The following GALNTL6 variants were observed in gnomAD, a reference collection of about 807,000 sequenced individuals.
GALNTL6 encodes polypeptide N-acetylgalactosaminyltransferase like 6.
A neutral mutation model predicts 73.7 loss-of-function variants in GALNTL6; 46 were observed. The ratio of observed to expected loss-of-function variants is 0.62; its 90% CI spans 0.49 to 0.80. The LOEUF is 0.80. Ranked by LOEUF, GALNTL6 falls within the 30% of genes least tolerant of loss-of-function variation. The pLI, the probability that GALNTL6 is intolerant of heterozygous loss-of-function variation, is 0.00. For synonymous variants in GALNTL6, 259 were observed against 263.7 expected, an observed-to-expected ratio of 0.98 and a Z score of 0.17; for missense variants, 604 against 755.0, an observed-to-expected ratio of 0.80 and a Z score of 2.34.
At chr4:172,813,458 G>T (rs1741425404) in intron 6 of GALNTL6, 82 bp from the exon 7 acceptor site, 1 of 1,148,816 alleles carries the variant, frequency 8.7e-7, no homozygotes, top group Non-Finnish European at 1.3e-6. Flanking sequence ...ATTAGTGGAG[G>T]ACTGTAGGCT....
intron 2 of GALNTL6, among the ~76,000 whole-genome samples, chr4:172,041,496 A>G (rs1246745869): frequency 1.3e-5 from 2 of 152,124 alleles, no homozygotes. Context: ...AGACATTTGT[A>G]ATCCACTGCT....
rs147663099 is a variant in GALNTL6 at position 172,466,051 on chromosome 4, A to G, written c.553+117362A>G. Among the ~76,000 whole-genome samples the G allele has an allele frequency of 8.7e-4, 132 of 152,314 alleles. 1 individual carries two copies. The highest frequency in any genetic ancestry group is 2.9e-3 in the African/African-American group (120 of 41,564). On this transcript the variant is annotated intron_variant, in intron 5 of 12. Transcript: ENST00000506823. ...ACTAAAATCATTGAGTGTGTTTTCA[A>G]CAAAATGAGATTATGTCATAAAATG... is the stretch of plus-strand genomic sequence containing the variant.
At chr4:172,502,677 T>G (rs1049156209) in intron 5 of GALNTL6, among the ~76,000 whole-genome samples, 27 of 152,194 alleles carry the variant, frequency 1.8e-4, no homozygotes, top group Non-Finnish European at 4.0e-4. Context: ...GTTAGTTTAA[T>G]AAGGCAAAAA....
chr4:172,238,786 G>C (rs1737324654), intron 3 of GALNTL6, among the ~76,000 whole-genome samples: 1 of 152,104 alleles, frequency 6.6e-6, no homozygotes, highest in Admixed American at 6.5e-5. Flanking sequence ...TAGATGCCTA[G>C]TTTGTTGAGG....
At chr4:172,294,011 A>G (rs1213063384) in intron 3 of GALNTL6, among the ~76,000 whole-genome samples, 6 of 151,438 alleles carry the variant, frequency 4.0e-5, no homozygotes, top group African/African-American at 1.5e-4. Flanking sequence ...GAACTCATTT[A>G]GGATCACAGC....
intron 2 of GALNTL6, among the ~76,000 whole-genome samples, chr4:172,100,713 A>T (rs1459541856): frequency 2.6e-5 from 4 of 152,190 alleles, no homozygotes; most frequent in Admixed American, 1.3e-4. Context: ...CAAATGAGAA[A>T]ATACATTGAA....
At chr4:172,758,131 A>C (rs886299423) in intron 5 of GALNTL6, among the ~76,000 whole-genome samples, 9 of 152,378 alleles carry the variant, frequency 5.9e-5, no homozygotes, top group Admixed American at 5.2e-4. Flanking sequence ...CCACCTATGT[A>C]CACATAAACA....
chr4:172,906,537 C>T (rs1349317301), intron 8 of GALNTL6, among the ~76,000 whole-genome samples: 1 of 152,190 alleles, frequency 6.6e-6, no homozygotes, highest in Non-Finnish European at 1.5e-5. Flanking sequence ...GCAGAGTTCT[C>T]TGCTAAGGTG....
intron 5 of GALNTL6, among the ~76,000 whole-genome samples, chr4:172,585,094 A>C (rs530039631): frequency 1.5e-5 from 2 of 133,970 alleles, no homozygotes; most frequent in South Asian, 2.8e-4. Flanking sequence ...CAATACGGAA[A>C]TATTTCATGA....
At chr4:172,896,555 C>T (rs1746341978) in intron 8 of GALNTL6, among the ~76,000 whole-genome samples, 1 of 152,218 alleles carries the variant, frequency 6.6e-6, no homozygotes, top group African/African-American at 2.4e-5. Context: ...CAGCAGATCC[C>T]TGCACAGGCA....
chr4:172,385,030 T>G (rs1044109911), intron 5 of GALNTL6, among the ~76,000 whole-genome samples: 3 of 89,300 alleles, frequency 3.4e-5, no homozygotes, highest in African/African-American at 1.1e-4. Context: ...GTTTTTTTGT[T>G]TTTTTTTTTT....
At chr4:171,824,433 A>G (rs1004601686) in intron 2 of GALNTL6, among the ~76,000 whole-genome samples, 1 of 152,110 alleles carries the variant, frequency 6.6e-6, no homozygotes, top group African/African-American at 2.4e-5. Flanking sequence ...TCATTTCTAA[A>G]AAGAGTATAA....
intron 2 of GALNTL6, among the ~76,000 whole-genome samples, chr4:171,838,377 C>T (rs1457091830): frequency 1.3e-5 from 2 of 152,068 alleles, no homozygotes; most frequent in Admixed American, 1.3e-4. Context: ...CCCACCTTGG[C>T]CTACCAAAAT....
At chr4:171,823,708 T>C (rs1360143621) in intron 2 of GALNTL6, among the ~76,000 whole-genome samples, 1 of 151,584 alleles carries the variant, frequency 6.6e-6, no homozygotes, top group Non-Finnish European at 1.5e-5. Context: ...TGAAAGGAGA[T>C]GTCAGGAAAC....
At chr4:172,053,521 G>C (rs1730937766) in intron 2 of GALNTL6, among the ~76,000 whole-genome samples, 1 of 152,084 alleles carries the variant, frequency 6.6e-6, no homozygotes, top group African/African-American at 2.4e-5. Flanking sequence ...TTTTCTAAAG[G>C]GACTGCTGAA....
At chr4:172,034,791 T>C (rs1741885353) in intron 2 of GALNTL6, among the ~76,000 whole-genome samples, 2 of 152,118 alleles carry the variant, frequency 1.3e-5, no homozygotes, top group Non-Finnish European at 1.5e-5. Flanking sequence ...TTTTAGGATT[T>C]GGGGTACATT....
chr4:172,711,793 T>C (rs1056746128), intron 5 of GALNTL6, among the ~76,000 whole-genome samples: 1 of 152,108 alleles, frequency 6.6e-6, no homozygotes, highest in Non-Finnish European at 1.5e-5. Context: ...TCAACATACA[T>C]ATGGTCTTAA....
intron 7 of GALNTL6, among the ~76,000 whole-genome samples, chr4:172,866,905 G>T (rs1239523357): frequency 6.6e-6 from 1 of 152,148 alleles, no homozygotes; most frequent in Non-Finnish European, 1.5e-5. Flanking sequence ...CATTCTATGT[G>T]TCAGTCCTAT....
intron 3 of GALNTL6, among the ~76,000 whole-genome samples, chr4:172,293,924 C>T (rs995367939): frequency 1.3e-5 from 2 of 151,064 alleles, no homozygotes; most frequent in African/African-American, 4.9e-5. Context: ...AACTTACCTT[C>T]AACATTTGTG....
Sources: allele counts gnomAD v4.1 joint callset (sites outside exome capture counted in the v4.1 genomes callset), GRCh38; gene constraint gnomAD v4.1.1; transcripts MANE v1.5; gene names NCBI Gene and HGNC (gene_info 2026-07-23, HGNC 2026-07-21).